The following SLU7 variants were observed in gnomAD, a reference collection of about 807,000 sequenced individuals.
The protein encoded by SLU7 is spliceosome associated SLU7.
A neutral mutation model predicts 87.0 loss-of-function variants in SLU7; 60 were observed. That is an observed-to-expected ratio of 0.69 (90% confidence interval 0.56 to 0.86). The LOEUF (loss-of-function observed/expected upper bound fraction) is 0.86, where lower values mean the gene tolerates loss of function less well. Ranked by LOEUF, SLU7 falls within the 40% of genes least tolerant of loss-of-function variation. The pLI, the probability that SLU7 is intolerant of heterozygous loss-of-function variation, is 0.00. For synonymous variants in SLU7, 197 were observed against 222.0 expected (o/e 0.89, Z 1.00); for missense variants, 507 against 686.6 (o/e 0.74, Z 2.92).
In SLU7 at chr5:160,401,804, A is replaced by G. The variant is rs1047319782; in HGVS notation, c.*1481T>C. On this transcript the variant is annotated 3_prime_UTR_variant, in exon 16 of 16. Transcript: ENST00000297151. The stretch of plus-strand genomic sequence containing the variant: ...TTAAATCTATTTGCATTGCTGTTTA[A>G]TTTCATACCAATCTAAAGCTCGACA... The G allele has an allele frequency of 2.0e-5, 3 of 152,204 alleles. No individual in the cohort carries two copies. The highest frequency in any genetic ancestry group is 4.4e-5 in the Non-Finnish European group (3 of 68,046). The allele number at this position is 152,204 out of a possible 1,614,324, so 9.4% of individuals were successfully genotyped here.
chr5:160,408,888 TATAAA>T (rs1245701141), intron 6 of SLU7, among the ~76,000 whole-genome samples, 191 bp from the exon 7 acceptor site: 1 of 147,214 alleles, frequency 6.8e-6, no homozygotes, highest in Non-Finnish European at 1.5e-5. Context: ...ATATGTAACT[TATAAA>T]TAAGTATTAA....
chr5:160,407,944 A>G lies in SLU7; in HGVS notation c.917+27T>C. 6.5e-7 allele frequency: 1 copy of G among 1,544,402 alleles called. No individual in the cohort carries two copies. The highest frequency in any genetic ancestry group is 8.9e-7 in the Non-Finnish European group (1 of 1,117,418). ...AACAATTAACTTTCTCTCATCTTAA[A>G]ATCTGTACATTTAACTTGATACTTA... On this transcript the variant is annotated intron_variant, in intron 9 of 15. Coordinates refer to ENST00000297151, the MANE Select transcript of SLU7 (RefSeq NM_006425.5). This position sits in a 1 kb window ranked among gnomAD's most constrained non-coding sequence, Gnocchi z 4.2.
rs530584936 is a variant in SLU7 at position 160,417,761 on chromosome 5, C to CA, written c.-17+1261dup. ...GAGCTGATATTGCGTCACTGCACTC[C>CA]AGCCTGGGCGACAGAGCTAGACTAC... On this transcript the variant is annotated intron_variant, in intron 1 of 15. Coordinates refer to ENST00000297151, the MANE Select transcript of SLU7 (RefSeq NM_006425.5). Among the ~76,000 whole-genome samples the CA allele has an allele frequency of 2.4e-4, 35 of 144,984 alleles. No individual in the cohort carries two copies. In the South Asian group the frequency reaches 5.9e-3, roughly 24 times the overall value.
intron 1 of SLU7, chr5:160,417,380 A>G (rs1423231419): frequency 1.3e-5 from 2 of 150,714 alleles, no homozygotes; most frequent in Non-Finnish European, 3.0e-5. Flanking sequence ...ATAATTGCAA[A>G]TTTGAATTAG....
chr5:160,403,589 A>G, intron 15 of SLU7, 125 bp from the exon 16 acceptor site: 1 of 727,640 alleles, frequency 1.4e-6, no homozygotes, highest in South Asian at 2.7e-5. Flanking sequence ...GATTGCCTGA[A>G]AGAGCTTTGG....
chr5:160,403,450 C>G lies in SLU7; in HGVS notation c.1596G>C (p.Glu532Asp). The change falls in exon 16 of 16, where the codon GAG becomes GAC. Residue 532 changes from glutamate to aspartate, a missense_variant. Glu to Asp is a conservative substitution (Grantham distance 45). Coordinates refer to ENST00000297151, the MANE Select transcript of SLU7 (RefSeq NM_006425.5). ...HEKLKKALNA[E>D]EARLLHVKET... ...CCTTGACATGAAGAAGGCGGGCCTC[C>G]TCTGCGTTCAGTGCCTATAGTGAGA... 6.2e-7 allele frequency: 1 copy of G among 1,608,580 alleles called. No homozygotes were observed.
At position 160,404,884 on chromosome 5, in the gene SLU7, T is replaced by C. The variant is rs1230762243; in HGVS notation, c.1393-4A>G. 7.5e-6 allele frequency: 12 copies of C among 1,602,616 alleles called. No individual in the cohort carries two copies. In the South Asian group the frequency reaches 1.1e-4, roughly 15 times the overall value. ...TTATAATACACTCCTCAGAGTTCTG[T>C]GGGAAATACATGTAATTTGAGTTGA... is the stretch of plus-strand genomic sequence containing the variant. On this transcript the variant is annotated splice_region_variant and splice_polypyrimidine_tract_variant and intron_variant, in intron 13 of 15. Coordinates refer to ENST00000297151, the MANE Select transcript of SLU7 (RefSeq NM_006425.5).
In SLU7 at chr5:160,404,356, C is replaced by A. The variant is rs530366905; in HGVS notation, c.1581+84G>T. ...CTCCAGCCTGGACAACAGAGCAAGACCCTGTCTCAAAAAAATAAAAACAAC... is the reference window on the plus strand; with the variant it reads ...CTCCAGCCTGGACAACAGAGCAAGAACCTGTCTCAAAAAAATAAAAACAAC... On this transcript the variant is annotated intron_variant, in intron 15 of 15. Coordinates refer to ENST00000297151, the MANE Select transcript of SLU7 (RefSeq NM_006425.5). 8.3e-5 allele frequency: 69 copies of A among 830,498 alleles called. No individual in the cohort carries two copies. In the Admixed American group the frequency reaches 1.0e-3, roughly 12 times the overall value. The allele number at this position is 830,498 out of a possible 1,614,324, so 51.4% of individuals were successfully genotyped here. A position where few individuals can be genotyped will look rare whatever the true frequency, so the allele number is the denominator to read the frequency against.
In SLU7 at chr5:160,413,586, G is replaced by A; in HGVS notation, c.440C>T (p.Thr147Ile). ...PRRVGAKFTG[T>I]NIAPDEHVQP... is the part of the protein sequence containing the mutation. ...GACATGTTCATCTGGAGCTATATTA[G>A]TACCTGTAAATTTGGCTCCAACTCG... The change falls in exon 5 of 16, where the codon ACT becomes ATT. Residue 147 changes from threonine (T) to isoleucine (I), a missense_variant. By Grantham distance (89) the Thr-to-Ile change is moderately conservative. Coordinates refer to ENST00000297151, the MANE Select transcript of SLU7 (RefSeq NM_006425.5). 1 of 1,613,180 alleles carries A rather than the reference G, an allele frequency of 6.2e-7. No individual in the cohort carries two copies. The highest frequency in any genetic ancestry group is 8.5e-7 in the Non-Finnish European group (1 of 1,179,730).
intron 6 of SLU7, among the ~76,000 whole-genome samples, chr5:160,410,548 C>A (rs1420769903): frequency 1.3e-5 from 2 of 151,854 alleles, no homozygotes; most frequent in African/African-American, 4.8e-5. Flanking sequence ...TGCACATGTA[C>A]CCTAAAACTT....
intron 1 of SLU7, among the ~76,000 whole-genome samples, chr5:160,416,415 A>C (rs193212178): frequency 1.8e-4 from 27 of 152,330 alleles, no homozygotes; most frequent in Non-Finnish European, 2.9e-4. Flanking sequence ...GTATTTTTCT[A>C]TTCAAGACTT....
rs1484030496 is a variant in SLU7, at chr5:160,402,184, T to C, written c.*1101A>G. 2 of 152,208 alleles carry C rather than the reference T, an allele frequency of 1.3e-5. No homozygotes were observed. Among genetic ancestry groups the C allele is most frequent in the Non-Finnish European group, 2.9e-5 (2 of 68,038 alleles). 9.4% of individuals were successfully genotyped at this position (152,208 alleles called of 1,614,324 possible). On this transcript the variant is annotated 3_prime_UTR_variant, in exon 16 of 16. Coordinates refer to ENST00000297151, the MANE Select transcript of SLU7 (RefSeq NM_006425.5). Reference sequence around the variant, plus strand: ...GCTGCTGGCTATAAATATTAGGATATTCTACAATTTAAAAAATCTAATATT... The same window carrying C: ...GCTGCTGGCTATAAATATTAGGATACTCTACAATTTAAAAAATCTAATATT...
Position 160,406,565 on chromosome 5 carries a change from T to A in SLU7, c.1190A>T (p.Tyr397Phe), listed in dbSNP as rs1307082226. The change falls in exon 12 of 16, where the codon TAT becomes TTT. Residue 397 changes from tyrosine (Y) to phenylalanine (F), a missense_variant. Tyr to Phe is a conservative substitution (Grantham distance 22). Around this residue, in one of 6 missense-constraint regions of SLU7, gnomAD observed 43 missense variants for 58.4 expected, o/e 0.74. Transcript: ENST00000297151. The stretch of plus-strand genomic sequence containing the variant: ...TGTCCCATGTCTTGAGTACTCCACA[T>A]AGTCTTCAGTCTGGGCTAAAAGCAA... ...AELLLAQTED[Y>F]VEYSRHGTVI... 3.7e-6 allele frequency: 6 copies of A among 1,613,544 alleles called. No individual in the cohort carries two copies. The highest frequency in any genetic ancestry group is 5.1e-6 in the Non-Finnish European group (6 of 1,179,642).
Position 160,403,433 on chromosome 5 carries a change from T to G in SLU7, c.1613A>C (p.His538Pro). ...ATCAATCTGCATGGTCTCCTTGACA[T>G]GAAGAAGGCGGGCCTCCTCTGCGTT... ...ALNAEEARLL[H>P]VKETMQIDER... The change falls in exon 16 of 16, where the codon CAT becomes CCT. Residue 538 changes from histidine to proline, a missense_variant. Physicochemically the swap from His to Pro is moderately conservative, Grantham distance 77. Transcript: ENST00000297151. 6.2e-7 allele frequency: 1 copy of G among 1,611,498 alleles called. No individual in the cohort carries two copies.
At position 160,402,038 on chromosome 5, in the gene SLU7, G is replaced by C. The variant is rs746616218; in HGVS notation, c.*1247C>G. The C allele has an allele frequency of 6.6e-6, 1 of 152,160 alleles. No homozygotes were observed. Among genetic ancestry groups the C allele is most frequent in the Admixed American group, 6.5e-5 (1 of 15,274 alleles). The allele number at this position is 152,160 out of a possible 1,614,324, so 9.4% of individuals were successfully genotyped here. On this transcript the variant is annotated 3_prime_UTR_variant, in exon 16 of 16. Transcript: ENST00000297151. The stretch of plus-strand genomic sequence containing the variant: ...GTCAGTATTATCTTCACAGTGTTCT[G>C]AGAAGAGGCTTCAGGATCATGGCAA...
chr5:160,404,339 T>C (rs1028014607), intron 15 of SLU7, 101 bp downstream of exon 15: 15 of 735,306 alleles, frequency 2.0e-5, no homozygotes, highest in African/African-American at 1.8e-4. Flanking sequence ...CACTCCAGCC[T>C]GGACAACAGA....
chr5:160,406,195 TATGTAAAACTGTG>T (rs1765003437), intron 12 of SLU7, among the ~76,000 whole-genome samples: 1 of 152,192 alleles, frequency 6.6e-6, no homozygotes, highest in Admixed American at 6.5e-5. Context: ...TTTACATATA[TATGTAAAACTGTG>T]CATATGCACA....
chr5:160,413,848 A>G, intron 4 of SLU7, 51 bp downstream of exon 4: 6 of 1,315,262 alleles, frequency 4.6e-6, no homozygotes, highest in Non-Finnish European at 6.4e-6. Flanking sequence ...CTGACAAAGA[A>G]AAAAGAAAGA....
At position 160,401,729 on chromosome 5, in the gene SLU7, G is replaced by A. The variant is rs192253500; in HGVS notation, c.*1556C>T. On this transcript the variant is annotated 3_prime_UTR_variant, in exon 16 of 16. Transcript: ENST00000297151. ...ATCAGCCTTTATGTTGAACCACCCTGTTTAGGTAGGAAAATGAACATTGTT... is the reference window on the plus strand; with the variant it reads ...ATCAGCCTTTATGTTGAACCACCCTATTTAGGTAGGAAAATGAACATTGTT... 5 of 152,316 alleles carry A rather than the reference G, an allele frequency of 3.3e-5. No individual in the cohort carries two copies. Among genetic ancestry groups the A allele is most frequent in the African/African-American group, 9.6e-5 (4 of 41,570 alleles). 9.4% of individuals were successfully genotyped at this position (152,316 alleles called of 1,614,324 possible).
Sources: allele counts gnomAD v4.1 joint callset (sites outside exome capture counted in the v4.1 genomes callset), GRCh38; gene constraint gnomAD v4.1.1; regional missense constraint gnomAD v4.1.1; non-coding constraint Gnocchi (gnomAD v3.1); transcripts MANE v1.5; gene names NCBI Gene and HGNC (gene_info 2026-07-23, HGNC 2026-07-21).